LIMCH1: variants seen among roughly 807,000 people sequenced by gnomAD.
LIMCH1 encodes the protein LIM and calponin homology domains 1, also known as LIM and calponin homology domains-containing protein 1.
A neutral mutation model predicts 176.5 loss-of-function variants in LIMCH1; 113 were observed. The observed-to-expected ratio is 0.64, with a 90% CI of 0.55 to 0.75. The LOEUF (loss-of-function observed/expected upper bound fraction) is 0.75. LIMCH1 is among the 30% of genes least tolerant of loss of function. The probability of loss-of-function intolerance (pLI) is 0.00; values close to 1 mark genes in which losing one functional copy is unlikely to be tolerated. For missense variants in LIMCH1, 1,674 were observed against 1,814.9 expected (o/e 0.92, Z 1.41); for synonymous variants, 619 against 645.9 (o/e 0.96, Z 0.63).
upstream of LIMCH1, among the ~76,000 whole-genome samples, chr4:41,537,196 T>C (rs764483810): frequency 1.3e-5 from 2 of 152,172 alleles, no homozygotes; most frequent in Non-Finnish European, 2.9e-5. Flanking sequence ...TACCAGTGAG[T>C]CCATTGGCAT....
chr4:41,633,476 A>C (rs2093430373), intron 12 of LIMCH1, 72 bp from the exon 13 acceptor site: 3 of 1,494,604 alleles, frequency 2.0e-6, no homozygotes, highest in Non-Finnish European at 8.9e-7. Flanking sequence ...AATTAACGCC[A>C]GTGAGTGACA....
intron 1 of LIMCH1, among the ~76,000 whole-genome samples, chr4:41,493,583 G>T (rs2071495110): frequency 6.6e-6 from 1 of 152,156 alleles, no homozygotes; most frequent in South Asian, 2.1e-4. Flanking sequence ...TGGAAGATGT[G>T]CATAGGTTAT....
intron 1 of LIMCH1, among the ~76,000 whole-genome samples, chr4:41,407,194 CTT>C (rs1302384531): frequency 6.6e-6 from 1 of 152,002 alleles, no homozygotes; most frequent in Non-Finnish European, 1.5e-5. Context: ...AAAAAAAATC[CTT>C]TGAAAGTCTG....
chr4:41,486,038 A>G (rs2069469967), intron 1 of LIMCH1, among the ~76,000 whole-genome samples: 4 of 152,200 alleles, frequency 2.6e-5, no homozygotes, highest in African/African-American at 9.7e-5. Flanking sequence ...TTTTGGCTAA[A>G]CAGCTGCAAA....
intron 2 of LIMCH1, among the ~76,000 whole-genome samples, chr4:41,495,854 T>G (rs2072028159): frequency 6.6e-6 from 1 of 152,212 alleles, no homozygotes; most frequent in Admixed American, 6.5e-5. Context: ...ACTGCTCTTC[T>G]TTCTTCAAAG....
At chr4:41,372,480 A>G (rs1458222934) in intron 1 of LIMCH1, among the ~76,000 whole-genome samples, 1 of 152,180 alleles carries the variant, frequency 6.6e-6, no homozygotes, top group African/African-American at 2.4e-5. Flanking sequence ...GTAGAAATAC[A>G]TAGATATTAA....
rs751841619 is a variant in LIMCH1 at position 41,661,407 on chromosome 4, ATC to A, written c.3037-9_3037-8del. 39 of 1,572,838 alleles carry A rather than the reference ATC, an allele frequency of 2.5e-5. No individual in the cohort carries two copies. Among genetic ancestry groups the A allele is most frequent in the Non-Finnish European group, 3.0e-5 (35 of 1,151,396 alleles). ...AATCATTTATTCAAGGGGGAAAAAA[ATC>A]TCTTTTTCAGGCAACCACTGAGAAA... On this transcript the variant is annotated splice_polypyrimidine_tract_variant and intron_variant, in intron 18 of 31. Transcript: ENST00000503057.
chr4:41,399,147 T>C (rs1211132303), intron 1 of LIMCH1, among the ~76,000 whole-genome samples: 1 of 152,228 alleles, frequency 6.6e-6, no homozygotes, highest in African/African-American at 2.4e-5. Flanking sequence ...GGGATGTTAT[T>C]ATAAAGTAAG....
At chr4:41,420,091 TTCTCTGTGGAGCTGGC>T (rs1248563232) in intron 1 of LIMCH1, among the ~76,000 whole-genome samples, 14 of 152,278 alleles carry the variant, frequency 9.2e-5, no homozygotes, top group Admixed American at 9.2e-4. Flanking sequence ...CTAGGCAAGC[TTCTCTGTGGAGCTGGC>T]CCTTCAGCTG....
intron 1 of LIMCH1, among the ~76,000 whole-genome samples, chr4:41,485,510 T>C (rs906301960): frequency 1.3e-5 from 2 of 152,180 alleles, no homozygotes; most frequent in Non-Finnish European, 2.9e-5. Flanking sequence ...ACACAGGGCA[T>C]AGTTGGTGAC....
intron 1 of LIMCH1, among the ~76,000 whole-genome samples, chr4:41,404,789 T>G (rs1581635607): frequency 1.3e-5 from 2 of 152,104 alleles, no homozygotes; most frequent in South Asian, 4.2e-4. Flanking sequence ...AAAAAACAAA[T>G]AATAATAATT....
At chr4:41,639,850 C>G (rs2093747149) in intron 14 of LIMCH1, among the ~76,000 whole-genome samples, 2 of 152,136 alleles carry the variant, frequency 1.3e-5, no homozygotes, top group Non-Finnish European at 2.9e-5. Flanking sequence ...CTCGTGGGAG[C>G]CTGGGCCATC....
intron 1 of LIMCH1, among the ~76,000 whole-genome samples, chr4:41,543,807 A>G (rs1340284473): frequency 6.6e-6 from 1 of 152,078 alleles, no homozygotes; most frequent in Non-Finnish European, 1.5e-5. Flanking sequence ...TTATTTTGTG[A>G]TAGGTTTTTA....
intron 1 of LIMCH1, among the ~76,000 whole-genome samples, chr4:41,449,302 C>T (rs1171398540): frequency 4.6e-5 from 7 of 152,298 alleles, no homozygotes; most frequent in Middle Eastern, 3.4e-3. Flanking sequence ...TCCCTGTCCC[C>T]GTCTTTCTGG....
intron 1 of LIMCH1, among the ~76,000 whole-genome samples, chr4:41,598,640 C>T (rs1239757967): frequency 1.3e-5 from 2 of 152,160 alleles, no homozygotes; most frequent in African/African-American, 4.8e-5. Flanking sequence ...TTCCCCCTAA[C>T]AATGCTAAGT....
intron 17 of LIMCH1, among the ~76,000 whole-genome samples, chr4:41,647,940 C>T (rs768824741): frequency 1.3e-5 from 2 of 152,166 alleles, no homozygotes; most frequent in East Asian, 1.9e-4. Flanking sequence ...ATGGCTTCAT[C>T]CTGAGAGCCT....
At chr4:41,406,078 C>T (rs1297339085) in intron 1 of LIMCH1, among the ~76,000 whole-genome samples, 7 of 152,128 alleles carry the variant, frequency 4.6e-5, no homozygotes, top group Admixed American at 6.5e-5. Flanking sequence ...AGCTTTTTGA[C>T]GTAATCAAGC....
chr4:41,382,871 A>G (rs2055904723), intron 1 of LIMCH1, among the ~76,000 whole-genome samples: 2 of 152,144 alleles, frequency 1.3e-5, no homozygotes, highest in Admixed American at 6.6e-5. Flanking sequence ...GGCTCACTGC[A>G]GCCTCGACCT....
intron 1 of LIMCH1, among the ~76,000 whole-genome samples, chr4:41,476,277 A>G (rs1390695967): frequency 6.6e-6 from 1 of 152,242 alleles, no homozygotes; most frequent in Non-Finnish European, 1.5e-5. Context: ...TATTAGTTTC[A>G]TAAAGAATAA....
Sources: gnomAD v4.1 joint callset for allele counts (sites outside exome capture counted in the v4.1 genomes callset) on GRCh38, gnomAD v4.1.1 for gene constraint, MANE v1.5 for transcripts, NCBI Gene and HGNC (gene_info 2026-07-23, HGNC 2026-07-21) for gene names.